Variants in ARHGAP15 observed in about 807,000 individuals in gnomAD.
ARHGAP15 encodes rho GTPase-activating protein 15.
ARHGAP15 carries 51 observed loss-of-function variants against 63.7 expected under a neutral mutation model. The ratio of observed to expected loss-of-function variants is 0.80; its 90% confidence interval spans 0.64 to 1.01. ARHGAP15 has a LOEUF of 1.01. ARHGAP15 is among the 50% of genes least tolerant of loss of function. ARHGAP15 has a pLI of 0.00. For synonymous variants in ARHGAP15, 191 were observed against 193.8 expected (o/e 0.99, Z 0.12); for missense variants, 560 against 564.6 (o/e 0.99, Z 0.08).
At chr2:143,460,298 C>A (rs984602029) in intron 8 of ARHGAP15, among the ~76,000 whole-genome samples, 3 of 152,146 alleles carry the variant, frequency 2.0e-5, no homozygotes, top group Admixed American at 2.0e-4. Context: ...AAATTCAAAA[C>A]TCTGAGGTTT....
chr2:143,689,838 C>T (rs1471804701), intron 12 of ARHGAP15, among the ~76,000 whole-genome samples: 4 of 152,164 alleles, frequency 2.6e-5, no homozygotes, highest in Non-Finnish European at 5.9e-5. Context: ...GGGATATGTG[C>T]CATTATCAGG....
chr2:143,207,198 G>C (rs1381867724), intron 3 of ARHGAP15, among the ~76,000 whole-genome samples: 2 of 151,752 alleles, frequency 1.3e-5, no homozygotes, highest in Admixed American at 6.6e-5. Flanking sequence ...TGATTTACTT[G>C]CATATAGTAG....
chr2:143,333,202 C>G (rs1684624855), intron 6 of ARHGAP15, among the ~76,000 whole-genome samples: 4 of 152,136 alleles, frequency 2.6e-5, no homozygotes, highest in African/African-American at 9.7e-5. Flanking sequence ...AGTTGCTCTT[C>G]ATGAGAAATT....
chr2:143,737,482 C>A lies in ARHGAP15; in HGVS notation c.1245-30507C>A, dbSNP rs1010885276. ...GTAGAACATGAGGATGAATGCTGGG[C>A]ACTGCCCTTTGTACATTTCTTCTGC... On this transcript the variant is annotated intron_variant, in intron 13 of 13. Coordinates refer to ENST00000295095, the MANE Select transcript of ARHGAP15 (RefSeq NM_018460.4). 2.6e-5 allele frequency among the ~76,000 whole-genome samples: 4 copies of A among 152,316 alleles called. No homozygotes were observed. In the South Asian group the frequency reaches 8.3e-4, roughly 32 times the overall value.
chr2:143,519,185 C>A, intron 9 of ARHGAP15, 81 bp from the exon 10 acceptor site: 1 of 1,046,204 alleles, frequency 9.6e-7, no homozygotes, highest in Non-Finnish European at 1.5e-6. Context: ...TTTCAGCATG[C>A]AATGGATATG....
At position 143,330,133 on chromosome 2, in the gene ARHGAP15, C is replaced by CAAAAAAAAAAAAAAAAAAAA. The variant is rs1558898102; in HGVS notation, c.474+79538_474+79539insAAAAAAAAAAAAAAAAAAAA. ...AAAAAAAAAAAAAAAAAAAAAAAAC[C>CAAAAAAAAAAAAAAAAAAAA]AAAAACAAAAAACTAAACTAATGAT... is the stretch of plus-strand genomic sequence containing the variant. On this transcript the variant is annotated intron_variant, in intron 6 of 13. Coordinates refer to ENST00000295095, the MANE Select transcript of ARHGAP15 (RefSeq NM_018460.4). Among the ~76,000 whole-genome samples, 175 of 37,328 alleles carry CAAAAAAAAAAAAAAAAAAAA rather than the reference C, an allele frequency of 4.7e-3. 30 individuals carry two copies. The highest frequency in any genetic ancestry group is 7.8e-3 in the East Asian group (9 of 1,160). The allele number at this position is 37,328 out of a possible 152,430, so 24.5% of individuals were successfully genotyped here.
At chr2:143,667,582 T>TAAAAAAAAAAAAAAA (rs71338146) in intron 12 of ARHGAP15, among the ~76,000 whole-genome samples, 2 of 138,948 alleles carry the variant, frequency 1.4e-5, no homozygotes, top group African/African-American at 5.7e-5. Flanking sequence ...TAAAAAAAAT[T>TAAAAAAAAAAAAAAA]AAAAAAAAAA....
chr2:143,484,106 G>C (rs1382850059), intron 8 of ARHGAP15, among the ~76,000 whole-genome samples: 1 of 152,056 alleles, frequency 6.6e-6, no homozygotes. Context: ...GCTCACACCT[G>C]TAATCCCAGC....
At chr2:143,757,876 A>G (rs1686634269) in intron 13 of ARHGAP15, among the ~76,000 whole-genome samples, 6 of 152,164 alleles carry the variant, frequency 3.9e-5, no homozygotes, top group Admixed American at 3.9e-4. Context: ...AAGAAATAGT[A>G]CTAGATATGA....
At chr2:143,553,218 C>T (rs1039137260) in intron 10 of ARHGAP15, among the ~76,000 whole-genome samples, 1 of 152,108 alleles carries the variant, frequency 6.6e-6, no homozygotes, top group African/African-American at 2.4e-5. Flanking sequence ...TGATATGTTC[C>T]AGATTATTTT....
chr2:143,700,880 T>A (rs989471839), intron 12 of ARHGAP15, among the ~76,000 whole-genome samples: 5 of 152,148 alleles, frequency 3.3e-5, no homozygotes, highest in African/African-American at 1.2e-4. Context: ...TAGGCCCCAG[T>A]TGGTCTTGTG....
chr2:143,500,727 G>A (rs577894927), intron 9 of ARHGAP15, among the ~76,000 whole-genome samples: 22 of 152,210 alleles, frequency 1.4e-4, no homozygotes, highest in Admixed American at 2.0e-4. Flanking sequence ...GCATACAGCC[G>A]TTGAATCATG....
intron 6 of ARHGAP15, among the ~76,000 whole-genome samples, chr2:143,365,382 T>C (rs958412188): frequency 6.6e-6 from 1 of 152,214 alleles, no homozygotes; most frequent in Non-Finnish European, 1.5e-5. Context: ...CTGGCAATCA[T>C]CCTTTCAGAT....
chr2:143,715,515 GACAA>G (rs1225620046), intron 13 of ARHGAP15, among the ~76,000 whole-genome samples: 5 of 152,098 alleles, frequency 3.3e-5, no homozygotes, highest in African/African-American at 9.7e-5. Flanking sequence ...TTTTCATCCT[GACAA>G]ACAAGCAGAG....
At chr2:143,731,943 G>A (rs1216262445) in intron 13 of ARHGAP15, among the ~76,000 whole-genome samples, 1 of 152,056 alleles carries the variant, frequency 6.6e-6, no homozygotes, top group Non-Finnish European at 1.5e-5. Flanking sequence ...AAAGTGATGG[G>A]GTCAGTATTT....
chr2:143,299,298 ATTTG>A (rs1682790075), intron 6 of ARHGAP15, among the ~76,000 whole-genome samples: 2 of 151,958 alleles, frequency 1.3e-5, no homozygotes, highest in African/African-American at 4.8e-5. Context: ...CACTCTGAAA[ATTTG>A]TTTGGGTTCT....
At chr2:143,656,266 A>G (rs910733190) in intron 12 of ARHGAP15, 2 of 152,228 alleles carry the variant, frequency 1.3e-5, no homozygotes, top group Non-Finnish European at 2.9e-5. Context: ...GTGGCAAAGC[A>G]TTTGGCTTCT....
At chr2:143,163,963 G>A (rs1690400597) in intron 2 of ARHGAP15, among the ~76,000 whole-genome samples, 1 of 152,020 alleles carries the variant, frequency 6.6e-6, no homozygotes, top group African/African-American at 2.4e-5. Context: ...TCTCCTAGGT[G>A]GAAGGAAACC....
intron 12 of ARHGAP15, among the ~76,000 whole-genome samples, chr2:143,639,153 G>A (rs987641146): frequency 6.6e-6 from 1 of 152,042 alleles, no homozygotes; most frequent in African/African-American, 2.4e-5. Context: ...ATTTAGAAAT[G>A]AGATAATTAG....
Sources: allele counts gnomAD v4.1 joint callset (sites outside exome capture counted in the v4.1 genomes callset), GRCh38; gene constraint gnomAD v4.1.1; transcripts MANE v1.5; gene names NCBI Gene and HGNC (gene_info 2026-07-23, HGNC 2026-07-21).